EPHA6: variants seen among roughly 807,000 people sequenced by gnomAD.
EPHA6 encodes EPH receptor A6, also known as ephrin type-A receptor 6.
EPHA6 carries 50 observed loss-of-function variants against 112.0 expected under a neutral mutation model. That is an observed-to-expected ratio of 0.45 (90% CI 0.36 to 0.56). The LOEUF is 0.56. EPHA6 is among the 20% of genes least tolerant of loss of function. The probability of loss-of-function intolerance (pLI) is 0.00; values close to 1 mark genes in which losing one functional copy is unlikely to be tolerated. For missense variants in EPHA6, 1,280 were observed against 1,417.4 expected (o/e 0.90, Z 1.56); for synonymous variants, 529 against 490.7 (o/e 1.08, Z -1.03).
intron 15 of EPHA6, among the ~76,000 whole-genome samples, chr3:97,728,421 C>T (rs1465456063): frequency 6.6e-6 from 1 of 152,032 alleles, no homozygotes; most frequent in African/African-American, 2.4e-5. Flanking sequence ...GTAAGAAATA[C>T]CATGGTGCCC....
chr3:97,417,617 A>T (rs1188232161), intron 6 of EPHA6, among the ~76,000 whole-genome samples: 1 of 152,094 alleles, frequency 6.6e-6, no homozygotes, highest in Admixed American at 6.5e-5. Flanking sequence ...CTTGTCCAAA[A>T]AAAAAATCTG....
chr3:97,244,612 T>C (rs1245964042), intron 5 of EPHA6: 1 of 353,654 alleles, frequency 2.8e-6, no homozygotes, highest in Non-Finnish European at 5.1e-6. Context: ...TAAAATGTTA[T>C]TAAATGAATT....
intron 9 of EPHA6, among the ~76,000 whole-genome samples, chr3:97,479,736 G>A (rs1020124070): frequency 2.0e-5 from 3 of 151,900 alleles, no homozygotes; most frequent in African/African-American, 7.3e-5. Context: ...CTTCTTGTAG[G>A]GACTGTCTTT....
intron 7 of EPHA6, 98 bp from the exon 8 acceptor site, chr3:97,475,254 C>A: frequency 2.4e-6 from 2 of 838,244 alleles, no homozygotes; most frequent in South Asian, 1.7e-5. Context: ...CTGAGCTTGG[C>A]ATCCGTTATT....
chr3:97,110,502 A>G (rs1374335047), intron 3 of EPHA6, among the ~76,000 whole-genome samples: 2 of 151,872 alleles, frequency 1.3e-5, no homozygotes, highest in Non-Finnish European at 2.9e-5. Flanking sequence ...GATTGCCAGT[A>G]TAACTCCTTC....
At chr3:97,007,555 A>T (rs186719593) in intron 3 of EPHA6, among the ~76,000 whole-genome samples, 4 of 151,694 alleles carry the variant, frequency 2.6e-5, no homozygotes, top group African/African-American at 2.4e-5. Context: ...TTGACTCCTT[A>T]TCCAAATCAC....
chr3:97,338,834 G>T (rs2083177823), intron 5 of EPHA6, among the ~76,000 whole-genome samples: 1 of 152,144 alleles, frequency 6.6e-6, no homozygotes, highest in African/African-American at 2.4e-5. Context: ...TAATGGAGGG[G>T]TGCTGAAACA....
chr3:96,890,691 G>A (rs991721550), intron 2 of EPHA6, among the ~76,000 whole-genome samples: 1 of 152,176 alleles, frequency 6.6e-6, no homozygotes, highest in African/African-American at 2.4e-5. Context: ...AATTTTCGAA[G>A]AGGATATGGG....
At chr3:97,012,311 G>A (rs577850910) in intron 3 of EPHA6, among the ~76,000 whole-genome samples, 2 of 151,184 alleles carry the variant, frequency 1.3e-5, no homozygotes, top group South Asian at 4.2e-4. Context: ...AGCCTCACCA[G>A]CATCTGTTTT....
intron 3 of EPHA6, among the ~76,000 whole-genome samples, chr3:97,094,008 T>C (rs1433945487): frequency 6.6e-6 from 1 of 152,090 alleles, no homozygotes; most frequent in Non-Finnish European, 1.5e-5. Flanking sequence ...ACCTCTGGGA[T>C]TGGCTAAGTC....
rs140234917 is a variant in EPHA6, at chr3:97,361,228, A to C, written c.1607-43922A>C. On this transcript the variant is annotated intron_variant, in intron 5 of 17. Coordinates refer to ENST00000389672, the MANE Select transcript of EPHA6 (RefSeq NM_001080448.3). ...GAGTTGCTGTAACTATCAGTAAGAAACCGTGTTAATAAATAGCTTTGTTTA... is the reference window on the plus strand; with the variant it reads ...GAGTTGCTGTAACTATCAGTAAGAACCCGTGTTAATAAATAGCTTTGTTTA... Among the ~76,000 whole-genome samples the C allele has an allele frequency of 2.6e-3, 396 of 152,252 alleles. 2 individuals carry two copies. The East Asian group carries it at 0.043, about 17-fold the overall frequency.
chr3:97,752,352 T>C lies in EPHA6; in HGVS notation c.*3651T>C. ...CTTAAAAATGTGTTTTGGTGTCTTTTCCTACCAAATTTCTGCTCTACAAGG... is the reference window on the plus strand; with the variant it reads ...CTTAAAAATGTGTTTTGGTGTCTTTCCCTACCAAATTTCTGCTCTACAAGG... On this transcript the variant is annotated 3_prime_UTR_variant, in exon 18 of 18. Coordinates refer to ENST00000389672, the MANE Select transcript of EPHA6 (RefSeq NM_001080448.3). 4.4e-6 allele frequency: 1 copy of C among 224,776 alleles called. No individual in the cohort carries two copies. The highest frequency in any genetic ancestry group is 5.7e-5 in the Admixed American group (1 of 17,522). 13.9% of individuals were successfully genotyped at this position (224,776 alleles called of 1,614,324 possible).
chr3:97,709,269 T>C (rs535294572), intron 14 of EPHA6, among the ~76,000 whole-genome samples: 1 of 152,294 alleles, frequency 6.6e-6, no homozygotes, highest in East Asian at 1.9e-4. Context: ...GGGAGCCCAC[T>C]TCTTGCATCA....
chr3:96,997,607 G>A (rs982328819), intron 3 of EPHA6, among the ~76,000 whole-genome samples: 16 of 152,010 alleles, frequency 1.1e-4, no homozygotes, highest in Admixed American at 1.1e-3. Flanking sequence ...TCTGGCTTAT[G>A]TGAGTATGGT....
chr3:97,344,840 C>G (rs1006862346), intron 5 of EPHA6, among the ~76,000 whole-genome samples: 9 of 151,684 alleles, frequency 5.9e-5, no homozygotes, highest in Admixed American at 3.9e-4. Flanking sequence ...GAAAGAATAT[C>G]ATCAATTCTA....
intron 5 of EPHA6, among the ~76,000 whole-genome samples, chr3:97,296,736 C>A (rs1523771): frequency 6.6e-6 from 1 of 152,156 alleles, no homozygotes; most frequent in South Asian, 2.1e-4. Context: ...CAGTCACAGA[C>A]AGGCAGGTTT....
chr3:97,115,310 T>G (rs1434576109), intron 3 of EPHA6, among the ~76,000 whole-genome samples: 1 of 151,572 alleles, frequency 6.6e-6, no homozygotes, highest in East Asian at 1.9e-4. Flanking sequence ...AATATGAGAC[T>G]GTTGAATTAA....
chr3:97,678,940 A>G (rs577053048), intron 14 of EPHA6, among the ~76,000 whole-genome samples: 72 of 152,292 alleles, frequency 4.7e-4, no homozygotes, highest in African/African-American at 1.7e-3. Context: ...ACCCAATCTG[A>G]AACTCTATCT....
intron 2 of EPHA6, among the ~76,000 whole-genome samples, chr3:96,930,963 G>A (rs2040282896): frequency 7.4e-6 from 1 of 135,840 alleles, no homozygotes; most frequent in African/African-American, 2.9e-5. Flanking sequence ...TTGCACTACA[G>A]CCTGGGTGAC....
Sources: allele counts gnomAD v4.1 joint callset (sites outside exome capture counted in the v4.1 genomes callset), GRCh38; gene constraint gnomAD v4.1.1; transcripts MANE v1.5; gene names NCBI Gene and HGNC (gene_info 2026-07-23, HGNC 2026-07-21).